MBD5: variants seen among roughly 807,000 people sequenced by gnomAD.
MBD5 encodes the protein methyl-CpG binding domain protein 5.
MBD5 carries 13 observed loss-of-function variants against 117.3 expected under a neutral mutation model. The observed-to-expected ratio is 0.11, with a 90% CI of 0.07 to 0.18. The LOEUF (loss-of-function observed/expected upper bound fraction) is 0.18. Among genes scored for constraint, MBD5 ranks in the 10% least tolerant of loss-of-function variants. The probability of loss-of-function intolerance (pLI) is 1.00; values close to 1 mark genes in which losing one functional copy is unlikely to be tolerated. For missense variants in MBD5, 1,879 were observed against 2,093.8 expected (o/e 0.90, Z 2.00); for synonymous variants, 727 against 766.4 (o/e 0.95, Z 0.85).
chr2:148,168,670 G>A lies in MBD5; in HGVS notation c.-924-10030G>A, dbSNP rs1317184308. ...TAGATGGAAGATCATTTGAGCCCAA[G>A]AGGTCAAGGCTGTGGTGAGCCATGA... On this transcript the variant is annotated intron_variant, in intron 1 of 13. Coordinates refer to ENST00000642680, the MANE Select transcript of MBD5 (RefSeq NM_001378120.1). Among the ~76,000 whole-genome samples the A allele has an allele frequency of 5.3e-5, 8 of 152,220 alleles. No individual in the cohort carries two copies. In the East Asian group the frequency reaches 1.5e-3, roughly 29 times the overall value.
chr2:148,386,990 G>T (rs1032278673), intron 4 of MBD5, among the ~76,000 whole-genome samples: 1 of 152,106 alleles, frequency 6.6e-6, no homozygotes, highest in African/African-American at 2.4e-5. Flanking sequence ...TCAAATGAAG[G>T]TCATTTCAAA....
At position 148,151,153 on chromosome 2, in the gene MBD5, G is replaced by A. The variant is rs574504089; in HGVS notation, c.-924-27547G>A. Among the ~76,000 whole-genome samples the A allele has an allele frequency of 1.3e-5, 2 of 150,848 alleles. 1 individual carries two copies. Among genetic ancestry groups the A allele is most frequent in the Admixed American group, 1.3e-4 (2 of 15,076 alleles). On this transcript the variant is annotated intron_variant, in intron 1 of 13. Coordinates refer to ENST00000642680, the MANE Select transcript of MBD5 (RefSeq NM_001378120.1). Reference sequence around the variant, plus strand: ...TTTATTGAGAGTTTTTAGCATGAAGGGTTGTTGAATTTTGTCAAAGGCTTT... The same window carrying A: ...TTTATTGAGAGTTTTTAGCATGAAGAGTTGTTGAATTTTGTCAAAGGCTTT...
At chr2:148,280,777 G>A (rs1701229305) in intron 3 of MBD5, among the ~76,000 whole-genome samples, 1 of 152,154 alleles carries the variant, frequency 6.6e-6, no homozygotes, top group African/African-American at 2.4e-5. Context: ...GCAAACACAT[G>A]TAGCAGGTAA....
chr2:148,369,792 T>G (rs1003897454), intron 4 of MBD5, among the ~76,000 whole-genome samples: 1 of 152,184 alleles, frequency 6.6e-6, no homozygotes, highest in Non-Finnish European at 1.5e-5. Flanking sequence ...CAAGAAAAGA[T>G]AGTTTATGTT....
chr2:148,052,207 T>TTTTTA (rs1694727089), intron 1 of MBD5, among the ~76,000 whole-genome samples: 1 of 43,700 alleles, frequency 2.3e-5, no homozygotes, highest in African/African-American at 8.7e-5. Flanking sequence ...TGTTATTGAG[T>TTTTTA]TTTTTTTTTT....
chr2:148,059,609 A>C (rs1694971112), intron 1 of MBD5, among the ~76,000 whole-genome samples: 1 of 152,148 alleles, frequency 6.6e-6, no homozygotes, highest in South Asian at 2.1e-4. Context: ...GCACTTTGGG[A>C]GGCCGAGGCG....
chr2:148,447,109 G>A (rs1047685325), intron 4 of MBD5, among the ~76,000 whole-genome samples: 2 of 146,536 alleles, frequency 1.4e-5, no homozygotes, highest in Admixed American at 1.4e-4. Context: ...GGATAGGAAG[G>A]AGAAAGAAAG....
intron 3 of MBD5, among the ~76,000 whole-genome samples, chr2:148,291,173 G>A (rs756600601): frequency 6.6e-6 from 1 of 152,082 alleles, no homozygotes; most frequent in Non-Finnish European, 1.5e-5. Flanking sequence ...TGGTGTGTTT[G>A]GGCTATTCTA....
rs72868778 is a variant in MBD5, at chr2:148,107,341, T to C, written c.-924-71359T>C. Among the ~76,000 whole-genome samples, 382 of 152,178 alleles carry C rather than the reference T, an allele frequency of 2.5e-3. 1 individual carries two copies. The highest frequency in any genetic ancestry group is 4.0e-3 in the Non-Finnish European group (272 of 67,906). On this transcript the variant is annotated intron_variant, in intron 1 of 13. Transcript: ENST00000642680. ...TTGATTTTCTGCAGTTTCACTATGG[T>C]GTGTACAGTGTGTATTCTTTTTTAT... is the stretch of plus-strand genomic sequence containing the variant.
intron 1 of MBD5, among the ~76,000 whole-genome samples, chr2:148,142,376 A>T (rs1697340445): frequency 6.6e-6 from 1 of 152,226 alleles, no homozygotes; most frequent in African/African-American, 2.4e-5. Context: ...TGGATGGGTC[A>T]CATTCAGAGT....
intron 1 of MBD5, among the ~76,000 whole-genome samples, chr2:148,148,568 T>C (rs145727168): frequency 6.6e-6 from 1 of 152,232 alleles, no homozygotes; most frequent in South Asian, 2.1e-4. Flanking sequence ...AAATCTGAGT[T>C]AGGGCCTGGG....
At chr2:148,298,103 G>A (rs950829342) in intron 3 of MBD5, among the ~76,000 whole-genome samples, 4 of 152,188 alleles carry the variant, frequency 2.6e-5, no homozygotes, top group Admixed American at 2.6e-4. Flanking sequence ...CCCTAAGGGT[G>A]AGCTGGGGCA....
chr2:148,214,869 C>A (rs1424143816), intron 2 of MBD5, among the ~76,000 whole-genome samples: 2 of 152,148 alleles, frequency 1.3e-5, no homozygotes, highest in Admixed American at 1.3e-4. Flanking sequence ...CATTTTCTCA[C>A]CTGCCCATCC....
At chr2:148,375,457 A>C (rs34342202) in intron 4 of MBD5, among the ~76,000 whole-genome samples, 1 of 152,004 alleles carries the variant, frequency 6.6e-6, no homozygotes, top group African/African-American at 2.4e-5. Context: ...CACCACTCTC[A>C]TCCCCAAGGA....
intron 1 of MBD5, among the ~76,000 whole-genome samples, chr2:148,030,608 C>T (rs1296964364): frequency 6.6e-6 from 1 of 152,060 alleles, no homozygotes; most frequent in African/African-American, 2.4e-5. Flanking sequence ...GTATCAAATT[C>T]CATGCTTTGT....
Position 148,470,404 on chromosome 2 carries a change from A to G in MBD5, c.2461A>G (p.Thr821Ala). 6.2e-7 allele frequency: 1 copy of G among 1,612,818 alleles called. No homozygotes were observed. The highest frequency in any genetic ancestry group is 8.5e-7 in the Non-Finnish European group (1 of 1,179,226). The stretch of plus-strand genomic sequence containing the variant: ...TCAGTCAAGAATTTCAACGTCCTCC[A>G]CTCCAGTGATACCAAACAGCATTGT... ...PPQSRISTSS[T>A]PVIPNSIVSS... is the part of the protein sequence containing the mutation. The change falls in exon 8 of 14, where the codon ACT becomes GCT. Residue 821 changes from threonine to alanine, a missense_variant. By Grantham distance (58) the Thr-to-Ala change is moderately conservative (BLOSUM62 0). Coordinates refer to ENST00000642680, the MANE Select transcript of MBD5 (RefSeq NM_001378120.1).
chr2:148,135,922 G>A (rs1185437524), intron 1 of MBD5, among the ~76,000 whole-genome samples: 1 of 152,102 alleles, frequency 6.6e-6, no homozygotes, highest in Non-Finnish European at 1.5e-5. Context: ...GTAAATTTTG[G>A]TCGTACCTTC....
rs778221567 is a variant in MBD5, at chr2:148,490,028, A to G, written c.4396A>G (p.Asn1466Asp). ...TAGTCCTTGTCATGAAAGGCCCAAC[A>G]ATGTCTCTACACTGCCATTTCTGCC... ...HSSPCHERPN[N>D]VSTLPFLPGE... The change falls in exon 11 of 14, where the codon AAT becomes GAT. Residue 1466 changes from asparagine to aspartate, a missense_variant. Physicochemically the swap from Asn to Asp is conservative, Grantham distance 23. Coordinates refer to ENST00000642680, the MANE Select transcript of MBD5 (RefSeq NM_001378120.1). 4.4e-5 allele frequency: 71 copies of G among 1,613,880 alleles called. No individual in the cohort carries two copies. Among genetic ancestry groups the G allele is most frequent in the Non-Finnish European group, 5.8e-5 (68 of 1,180,004 alleles).
chr2:148,367,963 A>T (rs929423823), intron 4 of MBD5, among the ~76,000 whole-genome samples: 1 of 152,194 alleles, frequency 6.6e-6, no homozygotes, highest in Non-Finnish European at 1.5e-5. Flanking sequence ...TGACCCAGCA[A>T]TCCCATTACT....
Sources: allele counts gnomAD v4.1 joint callset (sites outside exome capture counted in the v4.1 genomes callset), GRCh38; gene constraint gnomAD v4.1.1; transcripts MANE v1.5; gene names NCBI Gene and HGNC (gene_info 2026-07-23, HGNC 2026-07-21).